LRRC4C: variants seen among roughly 807,000 people sequenced by gnomAD.
The protein encoded by LRRC4C is leucine rich repeat containing 4C.
A neutral mutation model predicts 33.6 loss-of-function variants in LRRC4C; 5 were observed. The observed-to-expected ratio is 0.15, with a 90% confidence interval of 0.08 to 0.31. The LOEUF is 0.31. Among genes scored for constraint, LRRC4C ranks in the 10% least tolerant of loss-of-function variants. The probability of loss-of-function intolerance (pLI) is 1.00; values close to 1 mark genes in which losing one functional copy is unlikely to be tolerated. For missense variants in LRRC4C, 560 were observed against 796.7 expected (o/e 0.70, Z 3.58); for synonymous variants, 329 against 302.0 (o/e 1.09, Z -0.93).
chr11:41,413,935 C>T (rs1954584771), intron 1 of LRRC4C, among the ~76,000 whole-genome samples: 1 of 152,092 alleles, frequency 6.6e-6, no homozygotes, highest in African/African-American at 2.4e-5. Context: ...CTTGGAGCCT[C>T]CTAGCAATGC....
intron 2 of LRRC4C, among the ~76,000 whole-genome samples, chr11:40,823,999 A>G (rs1952050891): frequency 6.6e-6 from 1 of 151,934 alleles, no homozygotes. Flanking sequence ...TGTTAGATGG[A>G]CGGAACTCAA....
At chr11:40,239,536 T>G (rs1429838637) in intron 5 of LRRC4C, among the ~76,000 whole-genome samples, 14 of 152,122 alleles carry the variant, frequency 9.2e-5, no homozygotes. Flanking sequence ...AGACAACCAA[T>G]CACATATCCA....
chr11:40,308,381 T>A (rs1945141063), intron 4 of LRRC4C, among the ~76,000 whole-genome samples: 1 of 152,184 alleles, frequency 6.6e-6, no homozygotes, highest in South Asian at 2.1e-4. Flanking sequence ...ATTGTAAATA[T>A]GTTACATTGA....
At chr11:40,453,051 G>A (rs1161321219) in intron 3 of LRRC4C, among the ~76,000 whole-genome samples, 1 of 138,362 alleles carries the variant, frequency 7.2e-6, no homozygotes, top group Non-Finnish European at 1.6e-5. Context: ...GGAGGGGGGA[G>A]GGATAGCATT....
At chr11:40,615,792 A>T (rs1484643633) in intron 3 of LRRC4C, among the ~76,000 whole-genome samples, 2 of 151,750 alleles carry the variant, frequency 1.3e-5, no homozygotes, top group East Asian at 3.9e-4. Flanking sequence ...ATCCATTTTC[A>T]TGGCTTCTGG....
chr11:40,900,059 C>T (rs944660182), intron 2 of LRRC4C, among the ~76,000 whole-genome samples: 3 of 151,968 alleles, frequency 2.0e-5, no homozygotes, highest in African/African-American at 4.8e-5. Context: ...ATATGAAATG[C>T]TGAGCTTTCT....
chr11:41,053,330 G>C (rs1858388805), intron 1 of LRRC4C, among the ~76,000 whole-genome samples: 1 of 152,194 alleles, frequency 6.6e-6, no homozygotes, highest in African/African-American at 2.4e-5. Context: ...CATGTGGCAA[G>C]GAACTGAGAC....
chr11:41,430,439 C>T (rs925609442), intron 1 of LRRC4C, among the ~76,000 whole-genome samples: 1 of 152,086 alleles, frequency 6.6e-6, no homozygotes, highest in Non-Finnish European at 1.5e-5. Flanking sequence ...AGAGAATGAA[C>T]TCAAACTGTT....
intron 3 of LRRC4C, among the ~76,000 whole-genome samples, chr11:40,644,232 C>T (rs955366098): frequency 5.3e-5 from 8 of 151,938 alleles, no homozygotes; most frequent in South Asian, 2.1e-4. Flanking sequence ...ATAGCATGGC[C>T]GTAAAGCGCA....
intron 2 of LRRC4C, among the ~76,000 whole-genome samples, chr11:40,820,953 T>C (rs191182591): frequency 1.3e-5 from 2 of 151,788 alleles, no homozygotes; most frequent in Non-Finnish European, 1.5e-5. Flanking sequence ...AGAAGTAAAA[T>C]AACTTTGCAA....
chr11:40,479,492 G>A (rs1201159197), intron 3 of LRRC4C, among the ~76,000 whole-genome samples: 1 of 152,134 alleles, frequency 6.6e-6, no homozygotes, highest in Non-Finnish European at 1.5e-5. Flanking sequence ...GAACCGCTAT[G>A]ATAGGAAGGG....
chr11:41,193,815 T>TA (rs397849180), intron 1 of LRRC4C, among the ~76,000 whole-genome samples: 4 of 151,974 alleles, frequency 2.6e-5, no homozygotes, highest in Non-Finnish European at 5.9e-5. Context: ...CCTTTTTTTT[T>TA]AACCATATGG....
chr11:40,441,223 G>C (rs1951379062), intron 3 of LRRC4C, among the ~76,000 whole-genome samples: 1 of 152,164 alleles, frequency 6.6e-6, no homozygotes, highest in Admixed American at 6.5e-5. Flanking sequence ...GGCTCCTGTT[G>C]GGTCACTGAA....
Position 40,116,205 on chromosome 11 carries a change from G to A in LRRC4C, c.88C>T (p.Leu30=). 1.2e-6 allele frequency: 2 copies of A among 1,614,010 alleles called. No homozygotes were observed. Among genetic ancestry groups the A allele is most frequent in the Non-Finnish European group, 1.7e-6 (2 of 1,179,952 alleles). ...RALFDPLLVV[L]LALQLLVVAG... ...ACCACAAGAAGTTGAAGAGCCAGCA[G>A]CACCACAAGCAGGGGGTCAAATAGG... The change falls in exon 7 of 7, where the codon CTG becomes TTG. Residue 30 remains leucine, a synonymous_variant. Coordinates refer to ENST00000528697, the MANE Select transcript of LRRC4C (RefSeq NM_001258419.2).
chr11:40,671,217 A>C (rs1420321831), intron 2 of LRRC4C, among the ~76,000 whole-genome samples: 51 of 152,200 alleles, frequency 3.4e-4, no homozygotes, highest in Non-Finnish European at 1.3e-4. Flanking sequence ...TAACATTTGA[A>C]ACTGTGATTA....
At chr11:40,657,761 C>T (rs1438538988) in intron 2 of LRRC4C, among the ~76,000 whole-genome samples, 1 of 152,314 alleles carries the variant, frequency 6.6e-6, no homozygotes, top group East Asian at 1.9e-4. Context: ...CACATGTTGT[C>T]AGGACTCCCT....
chr11:41,136,272 C>T (rs1185343288), intron 1 of LRRC4C, among the ~76,000 whole-genome samples: 1 of 151,866 alleles, frequency 6.6e-6, no homozygotes, highest in Non-Finnish European at 1.5e-5. Context: ...GTGTAGGGGG[C>T]AGGAAGTATG....
At chr11:40,238,841 G>T (rs1324031247) in intron 5 of LRRC4C, among the ~76,000 whole-genome samples, 1 of 152,104 alleles carries the variant, frequency 6.6e-6, no homozygotes, top group African/African-American at 2.4e-5. Context: ...TATATAAAAG[G>T]TGATTTTCCC....
At chr11:41,247,940 T>G (rs116332305) in intron 1 of LRRC4C, among the ~76,000 whole-genome samples, 2,187 of 152,240 alleles carry the variant, frequency 0.014, 60 homozygotes, top group African/African-American at 0.05. Context: ...CTTTGGACTC[T>G]TGATGCCAAA....
Sources: gnomAD v4.1 joint callset for allele counts (sites outside exome capture counted in the v4.1 genomes callset) on GRCh38, gnomAD v4.1.1 for gene constraint, MANE v1.5 for transcripts, NCBI Gene and HGNC (gene_info 2026-07-23, HGNC 2026-07-21) for gene names.